The following UTRN variants were observed in gnomAD, a reference collection of about 807,000 sequenced individuals.
The protein encoded by UTRN is dystrophin-related protein 1.
UTRN carries 283 observed loss-of-function variants against 463.9 expected under a neutral mutation model. The ratio of observed to expected loss-of-function variants is 0.61; its 90% CI spans 0.55 to 0.67. The LOEUF is 0.67. Ranked by LOEUF, UTRN falls within the 30% of genes least tolerant of loss-of-function variation. The pLI is 0.00. For missense variants in UTRN, 3,922 were observed against 4,084.3 expected, an observed-to-expected ratio of 0.96 and a Z score of 1.08; for synonymous variants, 1,442 against 1,431.5, an observed-to-expected ratio of 1.01 and a Z score of -0.17.
At position 144,438,629 on chromosome 6, in the gene UTRN, T is replaced by C. The variant is rs983335195; in HGVS notation, c.1242-116T>C. ...TATATTTAAAGACTAAATGCTACCT[T>C]GAATGTTTAGACAAGGGTGTCTTCC... On this transcript the variant is annotated intron_variant, in intron 11 of 74. Coordinates refer to ENST00000367545, the MANE Select transcript of UTRN (RefSeq NM_007124.3). 5 of 1,293,288 alleles carry C rather than the reference T, an allele frequency of 3.9e-6. No homozygotes were observed. The African/African-American group carries it at 4.5e-5, about 12-fold the overall frequency. The allele number at this position is 1,293,288 out of a possible 1,614,324, so 80.1% of individuals were successfully genotyped here. A position where few individuals can be genotyped will look rare whatever the true frequency, so the allele number is the denominator to read the frequency against.
chr6:144,481,984 G>T lies in UTRN; in HGVS notation c.3508-225G>T, dbSNP rs149028260. 3.9e-5 allele frequency among the ~76,000 whole-genome samples: 6 copies of T among 152,222 alleles called. No homozygotes were observed. In the East Asian group the frequency reaches 1.2e-3, roughly 29 times the overall value. On this transcript the variant is annotated intron_variant, in intron 26 of 74. Coordinates refer to ENST00000367545, the MANE Select transcript of UTRN (RefSeq NM_007124.3). ...TGAGGCAGGAGAATTTCTTGAACTGGGAGGCAGAGGTTGTAGTGAACAAGA... is the reference window on the plus strand; with the variant it reads ...TGAGGCAGGAGAATTTCTTGAACTGTGAGGCAGAGGTTGTAGTGAACAAGA...
chr6:144,319,089 A>G (rs1484279362), intron 2 of UTRN, among the ~76,000 whole-genome samples: 1 of 152,020 alleles, frequency 6.6e-6, no homozygotes, highest in East Asian at 1.9e-4. Context: ...AAACAAAAAT[A>G]AATTTGCTTA....
At chr6:144,402,919 C>T in intron 2 of UTRN, among the ~76,000 whole-genome samples, 1 of 152,072 alleles carries the variant, frequency 6.6e-6, no homozygotes, top group East Asian at 1.9e-4. Flanking sequence ...GTGCCCGAGC[C>T]TCCCTCTGTT....
At chr6:144,844,848 G>A (rs898041182) in intron 73 of UTRN, among the ~76,000 whole-genome samples, 1 of 152,164 alleles carries the variant, frequency 6.6e-6, no homozygotes, top group African/African-American at 2.4e-5. Context: ...AAAAATGCTT[G>A]TCGCCAGCAT....
chr6:144,640,113 A>G (rs1402987975), intron 51 of UTRN, among the ~76,000 whole-genome samples: 1 of 152,164 alleles, frequency 6.6e-6, no homozygotes, highest in African/African-American at 2.4e-5. Flanking sequence ...AGTTATAGTC[A>G]AATAGAGGAA....
chr6:144,674,330 TG>T (rs1198205969), intron 51 of UTRN, among the ~76,000 whole-genome samples: 2 of 151,828 alleles, frequency 1.3e-5, no homozygotes, highest in Non-Finnish European at 2.9e-5. Context: ...TCTTGGAGGC[TG>T]TTTTTTTTTT....
At chr6:144,423,888 A>G (rs570032849) in intron 5 of UTRN, 98 bp from the exon 6 acceptor site, 9 of 1,224,976 alleles carry the variant, frequency 7.3e-6, no homozygotes, top group African/African-American at 1.5e-5. Flanking sequence ...TCTCTCACTT[A>G]TACTGCTGTC....
rs903583348 is a variant in UTRN, at chr6:144,286,618, C to G, written c.-93+797C>G. On this transcript the variant is annotated intron_variant, in intron 1 of 74. Transcript: ENST00000367545. The surrounding 1 kb of genome is among the most constrained non-coding windows in gnomAD (Gnocchi z 4.4). The stretch of plus-strand genomic sequence containing the variant: ...CCCGGGGTCCGAGGCTGTGGTTGCT[C>G]AAGGCCACTTAAAAACCAACAAAGC... 4.6e-5 allele frequency among the ~76,000 whole-genome samples: 7 copies of G among 152,070 alleles called. No homozygotes were observed. The highest frequency in any genetic ancestry group is 4.6e-4 in the Admixed American group (7 of 15,276).
intron 34 of UTRN, among the ~76,000 whole-genome samples, chr6:144,509,018 A>G (rs1794942443): frequency 6.6e-6 from 1 of 152,054 alleles, no homozygotes; most frequent in Non-Finnish European, 1.5e-5. Context: ...TTTATGCTTC[A>G]TTTTTGGTAT....
intron 25 of UTRN, among the ~76,000 whole-genome samples, chr6:144,476,418 TAAA>T (rs1275808050): frequency 3.3e-5 from 5 of 151,842 alleles, no homozygotes; most frequent in African/African-American, 1.2e-4. Flanking sequence ...GGTTTGAAAA[TAAA>T]GAAGAGACCT....
At chr6:144,727,529 C>T (rs541252241) in intron 53 of UTRN, among the ~76,000 whole-genome samples, 105 of 152,248 alleles carry the variant, frequency 6.9e-4, no homozygotes, top group Admixed American at 1.6e-3. Context: ...GAGGCCAAGG[C>T]GGGCGGATCA....
At chr6:144,312,483 T>G (rs1242598061) in intron 2 of UTRN, among the ~76,000 whole-genome samples, 1 of 151,910 alleles carries the variant, frequency 6.6e-6, no homozygotes, top group African/African-American at 2.4e-5. Flanking sequence ...AGCCGTTACC[T>G]CCATACAAAT....
At chr6:144,452,060 T>G (rs557821259) in intron 18 of UTRN, among the ~76,000 whole-genome samples, 1 of 152,174 alleles carries the variant, frequency 6.6e-6, no homozygotes, top group African/African-American at 2.4e-5. Context: ...CATTAACTAT[T>G]TGGGCACCTG....
intron 65 of UTRN, among the ~76,000 whole-genome samples, chr6:144,816,407 G>T (rs1394867080): frequency 6.6e-6 from 1 of 152,082 alleles, no homozygotes; most frequent in Non-Finnish European, 1.5e-5. Flanking sequence ...AGAAAGTTTT[G>T]CCTGGAAGCG....
At chr6:144,328,255 C>T (rs1776103725) in intron 2 of UTRN, among the ~76,000 whole-genome samples, 1 of 151,702 alleles carries the variant, frequency 6.6e-6, no homozygotes, top group Non-Finnish European at 1.5e-5. Context: ...AGTGCATACA[C>T]ATGGGAGTAC....
chr6:144,560,699 A>G (rs1000885858), intron 50 of UTRN, among the ~76,000 whole-genome samples: 3 of 152,146 alleles, frequency 2.0e-5, no homozygotes, highest in African/African-American at 7.2e-5. Flanking sequence ...TAAGTCCACA[A>G]TCCCTTATCT....
At chr6:144,724,039 A>G (rs1052497039) in intron 53 of UTRN, among the ~76,000 whole-genome samples, 1 of 150,902 alleles carries the variant, frequency 6.6e-6, no homozygotes, top group Non-Finnish European at 1.5e-5. Flanking sequence ...AGAAAGAAAA[A>G]AAAGAAACAA....
chr6:144,709,689 A>G (rs912713325), intron 53 of UTRN, among the ~76,000 whole-genome samples: 2 of 152,236 alleles, frequency 1.3e-5, no homozygotes, highest in African/African-American at 2.4e-5. Flanking sequence ...ATGTCTAAAG[A>G]ATATCAGATG....
At chr6:144,789,876 C>A (rs561213398) in intron 62 of UTRN, among the ~76,000 whole-genome samples, 5 of 152,066 alleles carry the variant, frequency 3.3e-5, no homozygotes, top group Non-Finnish European at 7.4e-5. Context: ...TGTTCCTTTA[C>A]CTGTCAGTTA....
Sources: gnomAD v4.1 joint callset for allele counts (sites outside exome capture counted in the v4.1 genomes callset) on GRCh38, gnomAD v4.1.1 for gene constraint, Gnocchi (gnomAD v3.1) non-coding constraint, MANE v1.5 for transcripts, NCBI Gene and HGNC (gene_info 2026-07-23, HGNC 2026-07-21) for gene names.